The following LRP1B variants were observed in gnomAD, a reference collection of about 807,000 sequenced individuals.
LRP1B encodes the protein LDL receptor related protein 1B, also known as low-density lipoprotein receptor-related protein 1B.
In LRP1B, 217 loss-of-function variants were observed where a neutral mutation model predicts 556.6. The observed-to-expected ratio is 0.39, with a 90% confidence interval of 0.35 to 0.44. LRP1B has a LOEUF of 0.44. LRP1B is among the 20% of genes least tolerant of loss of function. The probability of loss-of-function intolerance (pLI) is 1.00; values close to 1 mark genes in which losing one functional copy is unlikely to be tolerated. For synonymous variants in LRP1B, 2,047 were observed against 1,865.8 expected (o/e 1.10, Z -2.50); for missense variants, 5,053 against 5,620.8 (o/e 0.90, Z 3.23).
chr2:142,124,500 A>G (rs186770472), intron 1 of LRP1B, among the ~76,000 whole-genome samples: 4 of 151,988 alleles, frequency 2.6e-5, no homozygotes, highest in Admixed American at 6.6e-5. Context: ...TTGAGAGAAA[A>G]TCTTTGAAAT....
rs1347174656 is a variant in LRP1B at position 140,976,607 on chromosome 2, A to G, written c.2887+5553T>C. 2.1e-5 allele frequency among the ~76,000 whole-genome samples: 3 copies of G among 145,928 alleles called. No homozygotes were observed. In the East Asian group the frequency reaches 6.2e-4, roughly 30 times the overall value. Reference sequence around the variant, plus strand: ...ATTGCAACCTCCACCTCCCGGGTTCAAGCTATTCTCCTGCCTCAGCCTCCT... The same window carrying G: ...ATTGCAACCTCCACCTCCCGGGTTCGAGCTATTCTCCTGCCTCAGCCTCCT... On this transcript the variant is annotated intron_variant, in intron 18 of 90. Transcript: ENST00000389484.
chr2:142,056,497 AT>A (rs1279943013), intron 1 of LRP1B, among the ~76,000 whole-genome samples: 3 of 152,096 alleles, frequency 2.0e-5, no homozygotes, highest in Admixed American at 2.0e-4. Flanking sequence ...AGAGGAGTCT[AT>A]TAGGAAGGGG....
chr2:141,365,901 C>T (rs143643755), intron 3 of LRP1B, among the ~76,000 whole-genome samples: 3,920 of 152,064 alleles, frequency 0.026, 171 homozygotes, highest in African/African-American at 0.087. Context: ...TCTTGATCTC[C>T]TGACCTTGTG....
Position 140,529,915 on chromosome 2 carries a change from C to T in LRP1B, c.7763-3565G>A, listed in dbSNP as rs144381906. On this transcript the variant is annotated intron_variant, in intron 47 of 90. Coordinates refer to ENST00000389484, the MANE Select transcript of LRP1B (RefSeq NM_018557.3). ...GGCCTGAAGTCTAAAGCTCTCCTGTCATGAAAGGGCCTCTATAAAGGGGCA... is the reference window on the plus strand; with the variant it reads ...GGCCTGAAGTCTAAAGCTCTCCTGTTATGAAAGGGCCTCTATAAAGGGGCA... 1.7e-3 allele frequency among the ~76,000 whole-genome samples: 265 copies of T among 152,016 alleles called. 3 individuals are homozygous for T. The highest frequency in any genetic ancestry group is 3.8e-3 in the Admixed American group (57 of 15,198).
intron 43 of LRP1B, among the ~76,000 whole-genome samples, chr2:140,547,286 GT>G (rs200436909): frequency 4.0e-5 from 6 of 151,602 alleles, no homozygotes; most frequent in South Asian, 2.1e-4. Flanking sequence ...CTGGTCCTGG[GT>G]TTTTTTTGGT....
chr2:141,913,336 T>A (rs2104956753), intron 1 of LRP1B, among the ~76,000 whole-genome samples: 1 of 152,288 alleles, frequency 6.6e-6, no homozygotes, highest in East Asian at 1.9e-4. Context: ...GCAGAAAAAT[T>A]CACGTATGTA....
At chr2:140,720,768 G>T (rs1687373319) in intron 35 of LRP1B, among the ~76,000 whole-genome samples, 2 of 152,024 alleles carry the variant, frequency 1.3e-5, no homozygotes, top group South Asian at 2.1e-4. Context: ...TTAGGTCCTA[G>T]AAAATTCAGT....
At chr2:140,463,018 A>G (rs1423287873) in intron 60 of LRP1B, among the ~76,000 whole-genome samples, 2 of 152,214 alleles carry the variant, frequency 1.3e-5, no homozygotes, top group African/African-American at 4.8e-5. Context: ...AAAACAAAAA[A>G]GAAGTGATGA....
At chr2:140,768,071 G>T (rs1172318098) in intron 35 of LRP1B, among the ~76,000 whole-genome samples, 1 of 151,806 alleles carries the variant, frequency 6.6e-6, no homozygotes, top group African/African-American at 2.4e-5. Flanking sequence ...TTAACATATT[G>T]CTTAATAAAA....
chr2:141,995,452 A>T (rs1702465345), intron 1 of LRP1B, among the ~76,000 whole-genome samples: 1 of 152,064 alleles, frequency 6.6e-6, no homozygotes, highest in Non-Finnish European at 1.5e-5. Flanking sequence ...GGCCCCTGTG[A>T]TTACATTGGG....
At chr2:140,692,619 C>T (rs1201601458) in intron 41 of LRP1B, among the ~76,000 whole-genome samples, 1 of 152,036 alleles carries the variant, frequency 6.6e-6, no homozygotes, top group African/African-American at 2.4e-5. Context: ...GATTATATTT[C>T]CTTTTCTGTC....
At chr2:141,214,851 A>T (rs1318906922) in intron 6 of LRP1B, among the ~76,000 whole-genome samples, 1 of 152,178 alleles carries the variant, frequency 6.6e-6, no homozygotes, top group Non-Finnish European at 1.5e-5. Flanking sequence ...CCAGACACAG[A>T]CCATATCTTA....
intron 20 of LRP1B, among the ~76,000 whole-genome samples, chr2:140,926,945 T>G (rs757509936): frequency 6.6e-6 from 1 of 152,144 alleles, no homozygotes; most frequent in Non-Finnish European, 1.5e-5. Flanking sequence ...TGCTTATGCT[T>G]TATATTCATT....
chr2:141,132,082 T>C (rs921233158), intron 7 of LRP1B, among the ~76,000 whole-genome samples: 5 of 152,008 alleles, frequency 3.3e-5, no homozygotes, highest in African/African-American at 1.2e-4. Context: ...TGAGAACATA[T>C]GATGCCCAAA....
chr2:141,677,045 T>C (rs1174829100), intron 2 of LRP1B, among the ~76,000 whole-genome samples: 1 of 152,142 alleles, frequency 6.6e-6, no homozygotes. Context: ...GTGATAACTC[T>C]TATGAAGGAA....
intron 29 of LRP1B, among the ~76,000 whole-genome samples, chr2:140,845,137 C>A (rs1056045662): frequency 6.6e-6 from 1 of 151,994 alleles, no homozygotes; most frequent in Non-Finnish European, 1.5e-5. Context: ...AACAAACAAA[C>A]AAACAAACAA....
chr2:140,561,953 C>T (rs899779514), intron 43 of LRP1B, among the ~76,000 whole-genome samples: 2 of 151,882 alleles, frequency 1.3e-5, no homozygotes, highest in African/African-American at 2.4e-5. Context: ...ATGTAATTTA[C>T]TATATAAACA....
intron 2 of LRP1B, among the ~76,000 whole-genome samples, chr2:141,518,271 T>C (rs780698228): frequency 9.9e-5 from 15 of 152,116 alleles, no homozygotes; most frequent in Non-Finnish European, 1.6e-4. Context: ...TGTGGGAGTT[T>C]GTGCTAATGT....
intron 11 of LRP1B, among the ~76,000 whole-genome samples, chr2:141,025,782 C>G (rs190094758): frequency 6.6e-6 from 1 of 152,106 alleles, no homozygotes; most frequent in African/African-American, 2.4e-5. Context: ...TCTAGAGAAT[C>G]CTAACTAGTA....
Sources: allele counts gnomAD v4.1 joint callset (sites outside exome capture counted in the v4.1 genomes callset), GRCh38; gene constraint gnomAD v4.1.1; transcripts MANE v1.5; gene names NCBI Gene and HGNC (gene_info 2026-07-23, HGNC 2026-07-21).